Variants in RNF185 observed in about 807,000 individuals in gnomAD.
The protein encoded by RNF185 is ring finger protein 185.
Under a neutral mutation model 24.9 loss-of-function variants are expected in RNF185, and 13 were observed. That is an observed-to-expected ratio of 0.52 (90% CI 0.34 to 0.83). The LOEUF (loss-of-function observed/expected upper bound fraction) is 0.83. Among genes scored for constraint, RNF185 ranks in the 40% least tolerant of loss-of-function variants. The pLI is 0.01. For missense variants in RNF185, 184 were observed against 244.7 expected, an observed-to-expected ratio of 0.75 and a Z score of 1.65; for synonymous variants, 79 against 90.3, an observed-to-expected ratio of 0.88 and a Z score of 0.71.
chr22:31,193,962 G>A (rs537220879), intron 3 of RNF185, among the ~76,000 whole-genome samples: 60 of 142,478 alleles, frequency 4.2e-4, no homozygotes, highest in Non-Finnish European at 8.4e-4. Context: ...GTGAGATCTC[G>A]GCTCACTGGA....
intron 1 of RNF185, among the ~76,000 whole-genome samples, chr22:31,179,520 G>A (rs183055956): frequency 7.9e-5 from 12 of 152,326 alleles, no homozygotes; most frequent in Admixed American, 7.2e-4. Context: ...TCAGTCATGC[G>A]TGCCCATCCT....
intron 2 of RNF185, among the ~76,000 whole-genome samples, chr22:31,192,129 T>C (rs1406407492): frequency 6.6e-6 from 1 of 152,162 alleles, no homozygotes. Flanking sequence ...TTTAAGCTGC[T>C]TCCTGCTAGG....
chr22:31,169,982 A>C (rs1057005796), intron 1 of RNF185, among the ~76,000 whole-genome samples: 1 of 152,208 alleles, frequency 6.6e-6, no homozygotes. Context: ...TGCAAAGATT[A>C]GAAGCAGCAC....
At chr22:31,202,098 A>G (rs1375212281) in intron 6 of RNF185, among the ~76,000 whole-genome samples, 1 of 152,154 alleles carries the variant, frequency 6.6e-6, no homozygotes, top group East Asian at 1.9e-4. Context: ...AGCTTCCTTC[A>G]GGACACAACA....
chr22:31,201,694 A>G (rs191017396), intron 6 of RNF185, 79 bp downstream of exon 6: 30 of 989,474 alleles, frequency 3.0e-5, no homozygotes, highest in Non-Finnish European at 4.4e-5. Flanking sequence ...TCAGCAGTAT[A>G]TAAGTTACAG....
At chr22:31,160,911 G>C (rs920885809) in intron 1 of RNF185, among the ~76,000 whole-genome samples, 2 of 152,168 alleles carry the variant, frequency 1.3e-5, no homozygotes, top group African/African-American at 4.8e-5. Context: ...GGGGGGTCCT[G>C]TATATACTAA....
At chr22:31,182,014 A>G (rs1323930701) in intron 1 of RNF185, among the ~76,000 whole-genome samples, 3 of 151,212 alleles carry the variant, frequency 2.0e-5, no homozygotes, top group African/African-American at 7.3e-5. Flanking sequence ...AAAAATATAT[A>G]TATATTTAAA....
At chr22:31,162,519 A>G (rs1430004527) in intron 1 of RNF185, among the ~76,000 whole-genome samples, 1 of 152,124 alleles carries the variant, frequency 6.6e-6, no homozygotes, top group Non-Finnish European at 1.5e-5. Flanking sequence ...AATGTGTAAT[A>G]CCACATTAAA....
At chr22:31,177,537 C>T (rs1036493320) in intron 1 of RNF185, among the ~76,000 whole-genome samples, 1 of 152,154 alleles carries the variant, frequency 6.6e-6, no homozygotes, top group Non-Finnish European at 1.5e-5. Context: ...CAGAGTTCTT[C>T]CCATTCCAGC....
At chr22:31,189,630 G>A (rs2048136974) in intron 2 of RNF185, among the ~76,000 whole-genome samples, 3 of 140,486 alleles carry the variant, frequency 2.1e-5, no homozygotes, top group Non-Finnish European at 3.0e-5. Context: ...TTTTAGAGAC[G>A]AAGTCTTGCT....
intron 2 of RNF185, among the ~76,000 whole-genome samples, chr22:31,192,106 G>A (rs556334986): frequency 1.3e-5 from 2 of 152,150 alleles, no homozygotes; most frequent in South Asian, 4.1e-4. Context: ...TGCTTTTAGA[G>A]TAGACCTGAA....
chr22:31,165,814 A>C (rs988254901), intron 1 of RNF185, among the ~76,000 whole-genome samples: 3 of 152,146 alleles, frequency 2.0e-5, no homozygotes, highest in African/African-American at 7.2e-5. Context: ...CAGGGAGTAG[A>C]GGAGTCAGTG....
At chr22:31,193,815 G>GA (rs778695789) in intron 3 of RNF185, among the ~76,000 whole-genome samples, 19 of 141,648 alleles carry the variant, frequency 1.3e-4, no homozygotes, top group Non-Finnish European at 2.2e-4. Flanking sequence ...CCAAAAAACC[G>GA]AAAAAAAAAT....
At chr22:31,187,919 TTTTG>T (rs777034587) in intron 2 of RNF185, among the ~76,000 whole-genome samples, 58 of 25,902 alleles carry the variant, frequency 2.2e-3, no homozygotes, top group Non-Finnish European at 3.8e-3. Flanking sequence ...GATTTTGGTT[TTTTG>T]TGTGTGTGTG....
intron 6 of RNF185, among the ~76,000 whole-genome samples, chr22:31,203,303 G>T (rs1317608950): frequency 6.6e-6 from 1 of 152,156 alleles, no homozygotes; most frequent in Admixed American, 6.5e-5. Flanking sequence ...TGGAGACTTA[G>T]GTTCTCACCC....
intron 1 of RNF185, among the ~76,000 whole-genome samples, chr22:31,161,111 C>G (rs1417246495): frequency 3.9e-5 from 6 of 152,186 alleles, no homozygotes; most frequent in African/African-American, 1.4e-4. Context: ...AGGGCTTCCA[C>G]TTCATCTTTA....
chr22:31,169,600 G>A lies in RNF185; in HGVS notation c.-49+9297G>A, dbSNP rs145611602. Among the ~76,000 whole-genome samples, 39 of 152,218 alleles carry A rather than the reference G, an allele frequency of 2.6e-4. 1 individual carries two copies. The East Asian group carries it at 5.8e-3, about 23-fold the overall frequency. ...GTCTCTCTGTCGCCGAGGCTGGAGTGCAGTGGCGTGATCTCAGCTCACTGC... is the reference window on the plus strand; with the variant it reads ...GTCTCTCTGTCGCCGAGGCTGGAGTACAGTGGCGTGATCTCAGCTCACTGC... On this transcript the variant is annotated intron_variant, in intron 1 of 6. Coordinates refer to ENST00000326132, the MANE Select transcript of RNF185 (RefSeq NM_152267.4).
intron 2 of RNF185, among the ~76,000 whole-genome samples, 171 bp downstream of exon 2, chr22:31,187,441 C>A (rs947615500): frequency 6.6e-6 from 1 of 152,212 alleles, no homozygotes; most frequent in African/African-American, 2.4e-5. Context: ...GCTGGATGAC[C>A]TTGGGCAAAT....
At chr22:31,164,555 T>TCAGATATCTGGG (rs1212267523) in intron 1 of RNF185, among the ~76,000 whole-genome samples, 26 of 150,858 alleles carry the variant, frequency 1.7e-4, no homozygotes, top group Admixed American at 7.9e-4. Flanking sequence ...CCTGGTCTCA[T>TCAGATATCTGGG]CAGATATCTG....
Sources: gnomAD v4.1 joint callset for allele counts (sites outside exome capture counted in the v4.1 genomes callset) on GRCh38, gnomAD v4.1.1 for gene constraint, MANE v1.5 for transcripts, NCBI Gene and HGNC (gene_info 2026-07-23, HGNC 2026-07-21) for gene names.